ELMO1: variants seen among roughly 807,000 people sequenced by gnomAD.
The protein encoded by ELMO1 is engulfment and cell motility protein 1.
Under a neutral mutation model 98.9 loss-of-function variants are expected in ELMO1, and 26 were observed. The observed-to-expected ratio is 0.26, with a 90% CI of 0.19 to 0.36. The LOEUF is 0.36. Ranked by LOEUF, ELMO1 falls within the 10% of genes least tolerant of loss-of-function variation. The pLI is 1.00. For synonymous variants in ELMO1, 346 were observed against 346.0 expected, an observed-to-expected ratio of 1.00 and a Z score of 0.00; for missense variants, 627 against 935.2, an observed-to-expected ratio of 0.67 and a Z score of 4.30.
At chr7:37,227,071 C>T (rs944523232) in intron 8 of ELMO1, among the ~76,000 whole-genome samples, 3 of 152,222 alleles carry the variant, frequency 2.0e-5, no homozygotes, top group Non-Finnish European at 4.4e-5. Flanking sequence ...TCCTACTCCT[C>T]TCTTCCCAAT....
intron 2 of ELMO1, among the ~76,000 whole-genome samples, chr7:37,331,882 CTG>C (rs1800144473): frequency 6.8e-6 from 1 of 146,308 alleles, no homozygotes; most frequent in Non-Finnish European, 1.5e-5. Flanking sequence ...AAAAGCAAAA[CTG>C]TATGGGTTTG....
intron 6 of ELMO1, among the ~76,000 whole-genome samples, chr7:37,258,741 A>G (rs1440100669): frequency 1.3e-5 from 2 of 152,224 alleles, no homozygotes; most frequent in African/African-American, 4.8e-5. Context: ...ACTTTGAAAC[A>G]TAACTTGAAC....
intron 1 of ELMO1, among the ~76,000 whole-genome samples, chr7:37,347,762 C>T (rs756557663): frequency 1.3e-5 from 2 of 152,182 alleles, no homozygotes; most frequent in African/African-American, 2.4e-5. Context: ...CTAATACAGG[C>T]GGTAAGCTAG....
chr7:37,099,916 T>A (rs1037375422), intron 14 of ELMO1, among the ~76,000 whole-genome samples: 4 of 150,934 alleles, frequency 2.7e-5, no homozygotes, highest in African/African-American at 9.8e-5. Flanking sequence ...CGCTGCAACC[T>A]CCGCCCCGCC....
At chr7:37,113,883 C>A (rs1445438309) in intron 14 of ELMO1, among the ~76,000 whole-genome samples, 1 of 152,162 alleles carries the variant, frequency 6.6e-6, no homozygotes, top group African/African-American at 2.4e-5. Context: ...AAAAGGGAGG[C>A]CTCAGAGACA....
At chr7:37,247,537 A>G (rs2130727160) in intron 6 of ELMO1, among the ~76,000 whole-genome samples, 1 of 152,332 alleles carries the variant, frequency 6.6e-6, no homozygotes, top group East Asian at 1.9e-4. Context: ...AATTTGTATA[A>G]TCAATTTTCA....
chr7:37,247,721 T>C (rs1377163998), intron 6 of ELMO1, among the ~76,000 whole-genome samples: 1 of 152,100 alleles, frequency 6.6e-6, no homozygotes, highest in East Asian at 1.9e-4. Flanking sequence ...CAGAGGGGAC[T>C]AGGAGGAGAC....
chr7:36,916,903 T>C (rs1021885129), intron 16 of ELMO1, among the ~76,000 whole-genome samples: 1 of 152,228 alleles, frequency 6.6e-6, no homozygotes, highest in African/African-American at 2.4e-5. Context: ...GTGAAATGGC[T>C]CAATTTGGGT....
At chr7:37,375,930 T>C (rs1802322028) in intron 1 of ELMO1, 1 of 640,048 alleles carries the variant, frequency 1.6e-6, no homozygotes, top group Non-Finnish European at 2.8e-6. Flanking sequence ...TGCCTCCTGG[T>C]GCCAACAAGA....
At position 36,854,061 on chromosome 7, in the gene ELMO1, C is replaced by T. The variant is rs1205684622; in HGVS notation, c.*1490G>A. On this transcript the variant is annotated 3_prime_UTR_variant, in exon 22 of 22. Coordinates refer to ENST00000310758, the MANE Select transcript of ELMO1 (RefSeq NM_014800.11). ...GAAAGAAAAAAGAGAAAGTCATGGT[C>T]AAGAGACAGCAATGTAAAAGGAATA... 1.3e-5 allele frequency among the ~76,000 whole-genome samples: 2 copies of T among 151,970 alleles called. No homozygotes were observed. The highest frequency in any genetic ancestry group is 2.9e-5 in the Non-Finnish European group (2 of 68,012).
chr7:36,963,929 A>C (rs1289504628), intron 16 of ELMO1, among the ~76,000 whole-genome samples: 1 of 152,236 alleles, frequency 6.6e-6, no homozygotes, highest in Non-Finnish European at 1.5e-5. Flanking sequence ...GTCATGCTTT[A>C]ATGTGATATC....
intron 2 of ELMO1, among the ~76,000 whole-genome samples, chr7:37,331,333 C>CTTTTTGT (rs1800100906): frequency 3.5e-5 from 1 of 28,716 alleles, no homozygotes; most frequent in Non-Finnish European, 6.8e-5. Context: ...CCACGCCTGG[C>CTTTTTGT]TTTTTTTTTT....
Position 36,853,557 on chromosome 7 carries a change from A to C in ELMO1, c.*1994T>G, listed in dbSNP as rs966707869. On this transcript the variant is annotated 3_prime_UTR_variant, in exon 22 of 22. Transcript: ENST00000310758. ...TAATAACATCGAAGCTTAATGATCA[A>C]GGAATTAACAGCTTGACACAGGTGT... 3.3e-5 allele frequency among the ~76,000 whole-genome samples: 5 copies of C among 152,240 alleles called. 1 individual carries two copies. Among genetic ancestry groups the C allele is most frequent in the African/African-American group, 1.2e-4 (5 of 41,464 alleles).
chr7:37,008,985 T>C (rs1793353160), intron 16 of ELMO1, among the ~76,000 whole-genome samples: 1 of 152,184 alleles, frequency 6.6e-6, no homozygotes, highest in Admixed American at 6.5e-5. Context: ...AGCCCCCAGG[T>C]GATTCTGACG....
At chr7:37,364,831 G>C (rs888929085) in intron 1 of ELMO1, among the ~76,000 whole-genome samples, 2 of 152,182 alleles carry the variant, frequency 1.3e-5, no homozygotes, top group Non-Finnish European at 2.9e-5. Flanking sequence ...TTGAAGGTGG[G>C]TCAGAAGTGT....
chr7:37,279,055 A>G (rs1797001635), intron 4 of ELMO1, among the ~76,000 whole-genome samples: 1 of 152,054 alleles, frequency 6.6e-6, no homozygotes, highest in South Asian at 2.1e-4. Context: ...CAAAAAAATT[A>G]GCCAGGCGTG....
intron 16 of ELMO1, among the ~76,000 whole-genome samples, chr7:36,942,722 A>T (rs1299067180): frequency 2.0e-5 from 3 of 152,208 alleles, no homozygotes; most frequent in Non-Finnish European, 4.4e-5. Flanking sequence ...GAATGATAAC[A>T]TGAGATCATA....
In ELMO1 at chr7:37,115,617, T is replaced by C. The variant is rs144240714; in HGVS notation, c.1191+17513A>G. Among the ~76,000 whole-genome samples, 57 of 152,206 alleles carry C rather than the reference T, an allele frequency of 3.7e-4. No homozygotes were observed. The East Asian group carries it at 0.011, about 28-fold the overall frequency. On this transcript the variant is annotated intron_variant, in intron 14 of 21. Transcript: ENST00000310758. ...GTTCCTCAGCTACATAAAGAACATC[T>C]ACATAAAACTTATGGCTAACATCAT...
chr7:36,962,594 G>C (rs1584442152), intron 16 of ELMO1, among the ~76,000 whole-genome samples: 1 of 147,294 alleles, frequency 6.8e-6, no homozygotes, highest in Non-Finnish European at 1.5e-5. Context: ...GATGTGGTAG[G>C]TGTTGAGTAA....
Sources: allele counts gnomAD v4.1 joint callset (sites outside exome capture counted in the v4.1 genomes callset), GRCh38; gene constraint gnomAD v4.1.1; transcripts MANE v1.5; gene names NCBI Gene and HGNC (gene_info 2026-07-23, HGNC 2026-07-21).